ARSB: variants seen among roughly 807,000 people sequenced by gnomAD.
ARSB encodes the protein N-acetylgalactosamine-4-sulfatase.
In ARSB, 41 loss-of-function variants were observed where a neutral mutation model predicts 50.9. The observed-to-expected ratio is 0.81, with a 90% CI of 0.63 to 1.04. The LOEUF (loss-of-function observed/expected upper bound fraction) is 1.04. ARSB is among the 50% of genes least tolerant of loss of function. The pLI is 0.00. For missense variants in ARSB, 672 were observed against 693.3 expected (o/e 0.97, Z 0.35); for synonymous variants, 269 against 284.8 (o/e 0.94, Z 0.56).
At chr5:78,856,199 A>AC (rs1373881656) in intron 5 of ARSB, among the ~76,000 whole-genome samples, 1 of 152,178 alleles carries the variant, frequency 6.6e-6, no homozygotes, top group Non-Finnish European at 1.5e-5. Flanking sequence ...TCAAAAATGC[A>AC]ATCTGATTTT....
At chr5:78,893,488 G>A (rs1359689466) in intron 4 of ARSB, among the ~76,000 whole-genome samples, 1 of 152,186 alleles carries the variant, frequency 6.6e-6, no homozygotes, top group Non-Finnish European at 1.5e-5. Context: ...ATAATGCTGA[G>A]ATATCAATGG....
chr5:78,826,679 G>C (rs1308310829), intron 6 of ARSB, among the ~76,000 whole-genome samples: 2 of 152,074 alleles, frequency 1.3e-5, no homozygotes, highest in Non-Finnish European at 2.9e-5. Context: ...GTTCAAAACT[G>C]CTTCTGTGAA....
intron 4 of ARSB, among the ~76,000 whole-genome samples, chr5:78,938,135 C>T (rs1036573337): frequency 1.3e-5 from 2 of 152,190 alleles, no homozygotes; most frequent in Non-Finnish European, 2.9e-5. Flanking sequence ...CAACACATCC[C>T]TGAGAACAGC....
At chr5:78,960,865 C>CG (rs1371592213) in intron 3 of ARSB, among the ~76,000 whole-genome samples, 3 of 152,066 alleles carry the variant, frequency 2.0e-5, no homozygotes, top group East Asian at 1.9e-4. Context: ...ACCCGGCTGA[C>CG]GGGGGGCTGT....
intron 4 of ARSB, among the ~76,000 whole-genome samples, chr5:78,953,880 C>T (rs1313184112): frequency 6.6e-6 from 1 of 152,052 alleles, no homozygotes; most frequent in Non-Finnish European, 1.5e-5. Context: ...TACACACACA[C>T]ATAATACACA....
chr5:78,817,330 G>T (rs979774599), intron 6 of ARSB, among the ~76,000 whole-genome samples: 11 of 152,294 alleles, frequency 7.2e-5, no homozygotes, highest in Admixed American at 5.9e-4. Context: ...TATGGTAAAA[G>T]CCTCTATCCT....
At chr5:78,967,622 G>A (rs959907356) in intron 2 of ARSB, among the ~76,000 whole-genome samples, 3 of 150,300 alleles carry the variant, frequency 2.0e-5, no homozygotes, top group Non-Finnish European at 2.9e-5. Context: ...GCAGTGAGCC[G>A]AGATCATGAC....
intron 6 of ARSB, among the ~76,000 whole-genome samples, chr5:78,797,886 G>A (rs1308089144): frequency 6.6e-6 from 1 of 152,198 alleles, no homozygotes; most frequent in African/African-American, 2.4e-5. Context: ...ATTCTGGAAA[G>A]AAACACCATT....
rs776062644 is a variant in ARSB at position 78,900,857 on chromosome 5, G to GGC, written c.899-15031_899-15030insGC. Among the ~76,000 whole-genome samples, 7 of 152,066 alleles carry GGC rather than the reference G, an allele frequency of 4.6e-5. No homozygotes were observed. The East Asian group carries it at 1.2e-3, about 25-fold the overall frequency. Reference sequence around the variant, plus strand: ...GATCGAGACCATCCTGGCTAACACAGTGAAGCCCGTCTCTACTAAAAATAC... The same window carrying GGC: ...GATCGAGACCATCCTGGCTAACACAGGCTGAAGCCCGTCTCTACTAAAAATAC... On this transcript the variant is annotated intron_variant, in intron 4 of 7. Coordinates refer to ENST00000264914, the MANE Select transcript of ARSB (RefSeq NM_000046.5).
At chr5:78,946,116 G>A (rs571385422) in intron 4 of ARSB, among the ~76,000 whole-genome samples, 3 of 152,296 alleles carry the variant, frequency 2.0e-5, no homozygotes, top group South Asian at 4.1e-4. Flanking sequence ...TAATGAAACC[G>A]AGGCTAGACT....
chr5:78,784,044 G>C (rs1749014897), intron 6 of ARSB, among the ~76,000 whole-genome samples: 1 of 152,112 alleles, frequency 6.6e-6, no homozygotes, highest in South Asian at 2.1e-4. Context: ...AAATGAAGTT[G>C]AAGTCTCCTT....
intron 6 of ARSB, among the ~76,000 whole-genome samples, chr5:78,816,566 A>T (rs1354889128): frequency 6.6e-6 from 1 of 152,242 alleles, no homozygotes; most frequent in Non-Finnish European, 1.5e-5. Flanking sequence ...AATTCTGCAG[A>T]TGCCATTAAG....
intron 5 of ARSB, among the ~76,000 whole-genome samples, chr5:78,872,861 T>G (rs1434383051): frequency 6.8e-6 from 1 of 146,016 alleles, no homozygotes; most frequent in Non-Finnish European, 1.5e-5. Flanking sequence ...GCAAAGAAAC[T>G]GCACTTCACT....
chr5:78,984,704 C>T (rs1186280766), intron 1 of ARSB, among the ~76,000 whole-genome samples: 1 of 152,110 alleles, frequency 6.6e-6, no homozygotes, highest in Non-Finnish European at 1.5e-5. Context: ...CCGCCCAACC[C>T]GGCGGCCGGG....
At chr5:78,890,026 C>T (rs763302990) in intron 4 of ARSB, among the ~76,000 whole-genome samples, 2 of 152,066 alleles carry the variant, frequency 1.3e-5, no homozygotes, top group South Asian at 2.1e-4. Flanking sequence ...TAGGCAACAT[C>T]GTTTCAAAAA....
intron 4 of ARSB, among the ~76,000 whole-genome samples, chr5:78,951,677 C>T (rs924419660): frequency 2.3e-4 from 35 of 152,208 alleles, no homozygotes; most frequent in African/African-American, 7.9e-4. Flanking sequence ...TCAGGGCTCA[C>T]TATATTTCAG....
chr5:78,890,512 C>T (rs527689806), intron 4 of ARSB, among the ~76,000 whole-genome samples: 2 of 152,286 alleles, frequency 1.3e-5, no homozygotes, highest in African/African-American at 4.8e-5. Flanking sequence ...ATCATCCCCC[C>T]TTCTGCAGCC....
At chr5:78,897,859 A>C (rs991545298) in intron 4 of ARSB, among the ~76,000 whole-genome samples, 1 of 152,178 alleles carries the variant, frequency 6.6e-6, no homozygotes, top group Admixed American at 6.5e-5. Context: ...CCAATTTTTA[A>C]ATATTTTTTT....
intron 4 of ARSB, among the ~76,000 whole-genome samples, chr5:78,891,531 G>C (rs1748294076): frequency 6.6e-6 from 1 of 152,168 alleles, no homozygotes. Context: ...GCAGCAAACA[G>C]GATGGACAAG....
Sources: allele counts gnomAD v4.1 joint callset (sites outside exome capture counted in the v4.1 genomes callset), GRCh38; gene constraint gnomAD v4.1.1; transcripts MANE v1.5; gene names NCBI Gene and HGNC (gene_info 2026-07-23, HGNC 2026-07-21).